SKI: variants seen among roughly 807,000 people sequenced by gnomAD.
The protein encoded by SKI is SKI proto-oncogene.
A neutral mutation model predicts 59.3 loss-of-function variants in SKI; 23 were observed. The ratio of observed to expected loss-of-function variants is 0.39; its 90% CI spans 0.28 to 0.55. The LOEUF (loss-of-function observed/expected upper bound fraction) is 0.55. Ranked by LOEUF, SKI falls within the 20% of genes least tolerant of loss-of-function variation. The pLI, the probability that SKI is intolerant of heterozygous loss-of-function variation, is 0.67. For missense variants in SKI, 1,017 were observed against 1,038.9 expected (o/e 0.98, Z 0.29); for synonymous variants, 673 against 488.6 (o/e 1.38, Z -4.98).
chr1:2,259,871 C>T (rs1202315815), intron 1 of SKI, among the ~76,000 whole-genome samples: 1 of 152,234 alleles, frequency 6.6e-6, no homozygotes, highest in Non-Finnish European at 1.5e-5. Flanking sequence ...GTGTGCTGGG[C>T]AGTGTTCCCC....
At position 2,303,495 on chromosome 1, in the gene SKI, C is replaced by T. The variant is rs1477282581; in HGVS notation, c.1211+95C>T. On this transcript the variant is annotated intron_variant, in intron 3 of 6. Transcript: ENST00000378536. The surrounding 1 kb of genome is among the most constrained non-coding windows in gnomAD (Gnocchi z 5.6). Reference sequence around the variant, plus strand: ...CGCCCATGTTTCTGCAGGCTGGGTGCCCAGACCTGCCGCCTTTTGGTCAGG... The same window carrying T: ...CGCCCATGTTTCTGCAGGCTGGGTGTCCAGACCTGCCGCCTTTTGGTCAGG... The T allele has an allele frequency of 3.9e-5, 43 of 1,114,208 alleles. No homozygotes were observed. Among genetic ancestry groups the T allele is most frequent in the Non-Finnish European group, 5.4e-5 (41 of 754,650 alleles). The allele number at this position is 1,114,208 out of a possible 1,614,324, so 69.0% of individuals were successfully genotyped here. A position where few individuals can be genotyped will look rare whatever the true frequency, so the allele number is the denominator to read the frequency against.
At chr1:2,288,905 C>T (rs988536663) in intron 1 of SKI, among the ~76,000 whole-genome samples, 2 of 152,196 alleles carry the variant, frequency 1.3e-5, no homozygotes, top group Non-Finnish European at 2.9e-5. Context: ...GTGGTGTGCA[C>T]AGAAGCCACC....
In SKI at chr1:2,268,236, C is replaced by T. The variant is rs368201605; in HGVS notation, c.970-34742C>T. 1.8e-4 allele frequency among the ~76,000 whole-genome samples: 27 copies of T among 152,312 alleles called. No homozygotes were observed. Among genetic ancestry groups the T allele is most frequent in the African/African-American group, 6.3e-4 (26 of 41,578 alleles). On this transcript the variant is annotated intron_variant, in intron 1 of 6. Transcript: ENST00000378536. This position sits in a 1 kb window ranked among gnomAD's most constrained non-coding sequence, Gnocchi z 5.0. ...GGGCCGGCGTCGCCTCCCTGCTGCT[C>T]CTACTGTGTGCTTTCTTGCCCCTCC...
intron 1 of SKI, among the ~76,000 whole-genome samples, chr1:2,252,108 T>TGAGGAG (rs781254741): frequency 6.6e-6 from 1 of 152,138 alleles, no homozygotes; most frequent in Non-Finnish European, 1.5e-5. Context: ...GTGAGAGATC[T>TGAGGAG]GAGGAGGAGG....
rs1275592565 is a variant in SKI at position 2,229,227 on chromosome 1, C to T, written c.461C>T (p.Thr154Met). The change falls in exon 1 of 7, where the codon ACG (threonine) becomes ATG (methionine). Residue 154 changes from threonine (T) to methionine (M), a missense_variant. Transcript: ENST00000378536. The surrounding 1 kb of genome is among the most constrained non-coding windows in gnomAD (Gnocchi z 6.3). The part of the protein sequence containing the change: ...DELHIYCSRC[T>M]ADQLEILKVM... ...CTCCACATCTACTGCTCGCGCTGCA[C>T]GGCCGACCAGCTGGAGATCCTCAAA... The T allele has an allele frequency of 1.2e-6, 2 of 1,607,282 alleles. No homozygotes were observed. The highest frequency in any genetic ancestry group is 1.7e-6 in the Non-Finnish European group (2 of 1,177,464).
chr1:2,276,066 G>T (rs1639736194), intron 1 of SKI, among the ~76,000 whole-genome samples: 1 of 152,196 alleles, frequency 6.6e-6, no homozygotes, highest in Non-Finnish European at 1.5e-5. Context: ...CTTTTCTTTG[G>T]TTCACACTGA....
rs762104518 is a variant in SKI at position 2,303,944 on chromosome 1, T to C, written c.1316T>C (p.Val439Ala). ...VVSSPPCAAA[V>A]SRAPEPLATC... ...AGCAGCCCTCCGTGTGCCGCCGCCG[T>C]CTCCCGGGCCCCCGAGCCTCTCGCC... The change falls in exon 4 of 7, where the codon GTC becomes GCC. Residue 439 changes from valine to alanine, a missense_variant. Val to Ala is a moderately conservative substitution (Grantham distance 64). Transcript: ENST00000378536. This position sits in a 1 kb window ranked among gnomAD's most constrained non-coding sequence, Gnocchi z 5.6. The C allele has an allele frequency of 2.5e-6, 4 of 1,611,526 alleles. No homozygotes were observed. The Admixed American group carries it at 5.0e-5, about 20-fold the overall frequency.
intron 1 of SKI, among the ~76,000 whole-genome samples, chr1:2,249,520 G>C (rs1206421025): frequency 6.6e-6 from 1 of 152,238 alleles, no homozygotes; most frequent in East Asian, 1.9e-4. Flanking sequence ...GGTGTGGTCT[G>C]AGTGGGCTGA....
chr1:2,273,840 G>A (rs149129741), intron 1 of SKI, among the ~76,000 whole-genome samples: 43 of 152,330 alleles, frequency 2.8e-4, no homozygotes, highest in Middle Eastern at 6.8e-3. Flanking sequence ...GACCGGGTGC[G>A]GATGGGCCGT....
intron 1 of SKI, among the ~76,000 whole-genome samples, chr1:2,301,235 AC>A (rs1163440557): frequency 2.6e-5 from 4 of 151,998 alleles, no homozygotes; most frequent in Non-Finnish European, 5.9e-5. Context: ...TAGGCACAGC[AC>A]CCTGCGGTCA....
intron 1 of SKI, among the ~76,000 whole-genome samples, chr1:2,266,683 C>A (rs1317116456): frequency 6.6e-6 from 1 of 152,138 alleles, no homozygotes; most frequent in Non-Finnish European, 1.5e-5. Context: ...GCAGGCGGGC[C>A]CTGGCATCGC....
intron 1 of SKI, among the ~76,000 whole-genome samples, chr1:2,276,108 C>G (rs546942154): frequency 6.6e-6 from 1 of 152,340 alleles, no homozygotes; most frequent in Admixed American, 6.5e-5. Context: ...AGGGAGAAGA[C>G]GTGAGGAGTG....
chr1:2,251,222 A>C (rs1639140928), intron 1 of SKI, among the ~76,000 whole-genome samples: 1 of 152,066 alleles, frequency 6.6e-6, no homozygotes, highest in African/African-American at 2.4e-5. Context: ...TTCTAGTCAC[A>C]GTTTTGATGC....
intron 1 of SKI, among the ~76,000 whole-genome samples, chr1:2,274,947 G>C (rs536228551): frequency 1.3e-5 from 2 of 152,190 alleles, no homozygotes; most frequent in African/African-American, 4.8e-5. Flanking sequence ...TGGGGCCTTC[G>C]CTGTCCCTTG....
At chr1:2,252,329 C>T (rs1387685691) in intron 1 of SKI, among the ~76,000 whole-genome samples, 1 of 152,110 alleles carries the variant, frequency 6.6e-6, no homozygotes, top group Non-Finnish European at 1.5e-5. Flanking sequence ...ATTGAGAATC[C>T]CCTGGGCCCC....
intron 1 of SKI, among the ~76,000 whole-genome samples, chr1:2,265,364 CTG>C (rs1385510115): frequency 9.9e-5 from 15 of 152,132 alleles, no homozygotes. Flanking sequence ...TTCTGTTACT[CTG>C]TGTCCATATC....
intron 1 of SKI, among the ~76,000 whole-genome samples, chr1:2,282,859 C>A (rs1033095229): frequency 6.6e-6 from 1 of 152,242 alleles, no homozygotes; most frequent in Non-Finnish European, 1.5e-5. Flanking sequence ...CAGCCTCCGA[C>A]CTGTCACCCC....
chr1:2,274,593 G>T (rs1639701355), intron 1 of SKI, among the ~76,000 whole-genome samples: 1 of 152,262 alleles, frequency 6.6e-6, no homozygotes, highest in East Asian at 1.9e-4. Context: ...AGTCCCAGCG[G>T]CACCTGGCCA....
At position 2,270,737 on chromosome 1, in the gene SKI, C is replaced by T. The variant is rs1039197733; in HGVS notation, c.970-32241C>T. ...TGGACCTGGCCAGCCCCTCCCGCTT[C>T]CCTTCCTCTGGGCCCCTGGACTCTG... On this transcript the variant is annotated intron_variant, in intron 1 of 6. Coordinates refer to ENST00000378536, the MANE Select transcript of SKI (RefSeq NM_003036.4). This position sits in a 1 kb window ranked among gnomAD's most constrained non-coding sequence, Gnocchi z 4.1. 1.3e-5 allele frequency among the ~76,000 whole-genome samples: 2 copies of T among 152,202 alleles called. No individual in the cohort carries two copies. The highest frequency in any genetic ancestry group is 2.9e-5 in the Non-Finnish European group (2 of 68,016).
Sources: gnomAD v4.1 joint callset for allele counts (sites outside exome capture counted in the v4.1 genomes callset) on GRCh38, gnomAD v4.1.1 for gene constraint, Gnocchi (gnomAD v3.1) non-coding constraint, MANE v1.5 for transcripts, NCBI Gene and HGNC (gene_info 2026-07-23, HGNC 2026-07-21) for gene names.